SPIDR: variants seen among roughly 807,000 people sequenced by gnomAD.
SPIDR encodes DNA repair-scaffolding protein.
A neutral mutation model predicts 104.6 loss-of-function variants in SPIDR; 93 were observed. The observed-to-expected ratio is 0.89, with a 90% confidence interval of 0.75 to 1.06. The LOEUF is 1.06. Among genes scored for constraint, SPIDR ranks in the 50% least tolerant of loss-of-function variants. SPIDR has a pLI of 0.00. For missense variants in SPIDR, 1,154 were observed against 1,111.2 expected (o/e 1.04, Z -0.55); for synonymous variants, 431 against 416.9 (o/e 1.03, Z -0.41).
chr8:47,442,986 A>G (rs189850564), intron 8 of SPIDR, among the ~76,000 whole-genome samples: 24 of 152,256 alleles, frequency 1.6e-4, no homozygotes, highest in African/African-American at 5.5e-4. Flanking sequence ...ATATCTAAAT[A>G]TGATTATTTT....
intron 8 of SPIDR, among the ~76,000 whole-genome samples, chr8:47,557,023 G>A (rs972748967): frequency 2.0e-5 from 3 of 152,142 alleles, no homozygotes; most frequent in Admixed American, 6.5e-5. Flanking sequence ...TCTTTGCTTA[G>A]AACTTAGACT....
intron 4 of SPIDR, among the ~76,000 whole-genome samples, chr8:47,292,007 G>A (rs1554569641): frequency 0.018 from 2,741 of 152,106 alleles, 81 homozygotes; most frequent in African/African-American, 0.064. Context: ...TTTACCTGCC[G>A]GGTCACAGTA....
intron 8 of SPIDR, among the ~76,000 whole-genome samples, chr8:47,538,857 CTTTTTTTTTT>C (rs1161571829): frequency 9.9e-6 from 1 of 100,844 alleles, no homozygotes; most frequent in Admixed American, 1.0e-4. Context: ...TTTTTCTTTT[CTTTTTTTTTT>C]TTTTTTTTTT....
At chr8:47,727,392 C>T (rs1362019520) in intron 17 of SPIDR, 99 bp downstream of exon 17, 27 of 1,088,004 alleles carry the variant, frequency 2.5e-5, no homozygotes, top group South Asian at 1.7e-4. Flanking sequence ...GTGACTCCCT[C>T]GAGAGCTCAA....
chr8:47,318,090 C>T (rs978603372), intron 5 of SPIDR, among the ~76,000 whole-genome samples: 4 of 152,098 alleles, frequency 2.6e-5, no homozygotes, highest in Non-Finnish European at 2.9e-5. Flanking sequence ...CAAAGCTGGA[C>T]GGAGAGTGAC....
chr8:47,314,094 G>T (rs2044777883), intron 5 of SPIDR, among the ~76,000 whole-genome samples: 1 of 152,136 alleles, frequency 6.6e-6, no homozygotes, highest in Non-Finnish European at 1.5e-5. Context: ...TTACAATATG[G>T]CATTTATATA....
chr8:47,681,422 A>G (rs774967338), intron 11 of SPIDR, among the ~76,000 whole-genome samples: 20 of 152,142 alleles, frequency 1.3e-4, no homozygotes, highest in Non-Finnish European at 2.1e-4. Flanking sequence ...TAAGCTCTAC[A>G]AAACATTTTC....
chr8:47,720,332 C>T (rs768257986), intron 16 of SPIDR, among the ~76,000 whole-genome samples: 5 of 152,198 alleles, frequency 3.3e-5, no homozygotes, highest in Admixed American at 6.5e-5. Context: ...GTTTTCAACT[C>T]GTGGGTAAAT....
intron 10 of SPIDR, among the ~76,000 whole-genome samples, chr8:47,613,042 T>C (rs1408152744): frequency 1.3e-5 from 2 of 152,242 alleles, no homozygotes; most frequent in African/African-American, 4.8e-5. Context: ...TTTTAAAGTA[T>C]GTAATTCAGT....
At chr8:47,329,157 G>A (rs1414874254) in intron 5 of SPIDR, among the ~76,000 whole-genome samples, 17 of 150,744 alleles carry the variant, frequency 1.1e-4, no homozygotes, top group East Asian at 3.9e-4. Context: ...TGCAACCTCC[G>A]CCTCCTGGGT....
chr8:47,333,740 C>T (rs906101892), intron 5 of SPIDR, among the ~76,000 whole-genome samples: 5 of 152,202 alleles, frequency 3.3e-5, no homozygotes, highest in African/African-American at 1.2e-4. Flanking sequence ...AGTCTGTTTA[C>T]AACAGCTTCA....
intron 8 of SPIDR, among the ~76,000 whole-genome samples, chr8:47,534,128 GC>G (rs2086517725): frequency 6.6e-6 from 1 of 152,196 alleles, no homozygotes; most frequent in Admixed American, 6.5e-5. Context: ...CTCTCCTGCT[GC>G]CCTGTGAAGA....
intron 8 of SPIDR, among the ~76,000 whole-genome samples, chr8:47,472,619 A>G (rs2154358395): frequency 6.6e-6 from 1 of 152,328 alleles, no homozygotes; most frequent in East Asian, 1.9e-4. Context: ...AATGTGAGTT[A>G]TTGAGAGGAT....
intron 5 of SPIDR, among the ~76,000 whole-genome samples, chr8:47,319,795 C>A (rs1266474979): frequency 9.9e-5 from 15 of 152,124 alleles, no homozygotes; most frequent in Admixed American, 9.8e-4. Context: ...AAGAAACTCA[C>A]TCAAAACTGC....
At chr8:47,562,955 G>A (rs56092229) in intron 8 of SPIDR, among the ~76,000 whole-genome samples, 72,353 of 151,708 alleles carry the variant, frequency 0.48, 20,581 homozygotes, top group East Asian at 0.73. Flanking sequence ...CTGTTTTGAT[G>A]TATGACAATT....
chr8:47,705,877 G>A (rs1420776267), intron 14 of SPIDR, among the ~76,000 whole-genome samples: 2 of 151,638 alleles, frequency 1.3e-5, no homozygotes, highest in African/African-American at 2.4e-5. Context: ...CTCCAGCCTG[G>A]CTGACAGAGT....
chr8:47,714,239 A>G lies in SPIDR; in HGVS notation c.2341+598A>G, dbSNP rs374047844. 2.2e-4 allele frequency among the ~76,000 whole-genome samples: 33 copies of G among 152,204 alleles called. No homozygotes were observed. The Middle Eastern group carries it at 0.01, about 47-fold the overall frequency. ...GTGGCAGAGGTAGAGAAGGAAATCC[A>G]AGGATGGACTTAGGGAAATCGGCAG... On this transcript the variant is annotated intron_variant, in intron 16 of 19. Transcript: ENST00000297423.
intron 10 of SPIDR, among the ~76,000 whole-genome samples, chr8:47,659,882 C>G (rs1156880444): frequency 1.3e-5 from 2 of 152,180 alleles, no homozygotes; most frequent in Non-Finnish European, 2.9e-5. Context: ...CCGGGCCTGA[C>G]TCCGATTCCG....
At chr8:47,431,606 G>A (rs1554689341) in intron 7 of SPIDR, among the ~76,000 whole-genome samples, 1 of 152,154 alleles carries the variant, frequency 6.6e-6, no homozygotes, top group Non-Finnish European at 1.5e-5. Flanking sequence ...GGCTTTGACT[G>A]CTCTCGTCAC....
Sources: allele counts gnomAD v4.1 joint callset (sites outside exome capture counted in the v4.1 genomes callset), GRCh38; gene constraint gnomAD v4.1.1; transcripts MANE v1.5; gene names NCBI Gene and HGNC (gene_info 2026-07-23, HGNC 2026-07-21).